Variants in PPARGC1A observed in about 807,000 individuals in gnomAD.
PPARGC1A encodes PPARG coactivator 1 alpha.
PPARGC1A carries 25 observed loss-of-function variants against 88.7 expected under a neutral mutation model. That is an observed-to-expected ratio of 0.28 (90% CI 0.21 to 0.39). The LOEUF (loss-of-function observed/expected upper bound fraction) is 0.39. Ranked by LOEUF, PPARGC1A falls within the 10% of genes least tolerant of loss-of-function variation. The pLI is 1.00. For missense variants in PPARGC1A, 880 were observed against 968.7 expected (o/e 0.91, Z 1.22); for synonymous variants, 363 against 355.6 (o/e 1.02, Z -0.24).
At chr4:24,162,050 T>C in the PPARGC1A span, among the ~76,000 whole-genome samples, 7 of 147,678 alleles carry the variant, frequency 4.7e-5, no homozygotes, top group Non-Finnish European at 8.9e-5. Flanking sequence ...AGGAATGAAA[T>C]AATGGCATTC....
chr4:24,269,579 A>G, the PPARGC1A span, among the ~76,000 whole-genome samples: 1 of 152,194 alleles, frequency 6.6e-6, no homozygotes, highest in Admixed American at 6.5e-5. Context: ...CATTTTACAT[A>G]GACTACGCGA....
At chr4:24,279,477 A>G in the PPARGC1A span, among the ~76,000 whole-genome samples, 1 of 152,228 alleles carries the variant, frequency 6.6e-6, no homozygotes, top group Non-Finnish European at 1.5e-5. Flanking sequence ...GGGGGAGAAG[A>G]AAACAAGATC....
the PPARGC1A span, among the ~76,000 whole-genome samples, chr4:24,277,077 T>C: frequency 6.6e-6 from 1 of 152,092 alleles, no homozygotes; most frequent in African/African-American, 2.4e-5. Context: ...ATGTAGACCT[T>C]AGGGATTTTT....
the PPARGC1A span, among the ~76,000 whole-genome samples, chr4:24,137,513 C>G: frequency 1.3e-5 from 2 of 152,176 alleles, no homozygotes; most frequent in African/African-American, 4.8e-5. Flanking sequence ...CTCCCCAACC[C>G]CATTTTACAG....
chr4:24,175,632 C>A, the PPARGC1A span, among the ~76,000 whole-genome samples: 2 of 148,964 alleles, frequency 1.3e-5, no homozygotes, highest in South Asian at 2.1e-4. Context: ...AGGTGATCTG[C>A]CCGCCTCGGC....
the PPARGC1A span, among the ~76,000 whole-genome samples, chr4:24,455,270 C>T: frequency 6.6e-6 from 1 of 152,058 alleles, no homozygotes; most frequent in African/African-American, 2.4e-5. Context: ...CACTTGAGGC[C>T]AGAAGTTTGA....
chr4:24,417,029 CAAA>C, the PPARGC1A span, among the ~76,000 whole-genome samples: 1 of 123,790 alleles, frequency 8.1e-6, no homozygotes. Context: ...GATTCCATCT[CAAA>C]AAAAAAAAAA....
At chr4:23,874,634 A>G (rs1249712489) in intron 2 of PPARGC1A, among the ~76,000 whole-genome samples, 1 of 151,946 alleles carries the variant, frequency 6.6e-6, no homozygotes, top group African/African-American at 2.4e-5. Flanking sequence ...TTGTAAAATT[A>G]CAGCAAGGAC....
the PPARGC1A span, among the ~76,000 whole-genome samples, chr4:24,255,874 T>G: frequency 6.6e-6 from 1 of 152,198 alleles, no homozygotes; most frequent in Non-Finnish European, 1.5e-5. Context: ...GGGATAATAA[T>G]AGTACCTATC....
chr4:23,844,609 G>C (rs1404233827), intron 2 of PPARGC1A, among the ~76,000 whole-genome samples: 2 of 93,990 alleles, frequency 2.1e-5, no homozygotes, highest in African/African-American at 9.0e-5. Context: ...ATATTATATA[G>C]TAATATATTA....
At chr4:23,876,053 AC>A (rs937223863) in intron 2 of PPARGC1A, 1 of 152,232 alleles carries the variant, frequency 6.6e-6, no homozygotes, top group Non-Finnish European at 1.5e-5. Context: ...GTTCCAAGCT[AC>A]CCATTTTTAT....
the PPARGC1A span, among the ~76,000 whole-genome samples, chr4:24,025,468 G>A: frequency 1.3e-5 from 2 of 151,908 alleles, no homozygotes; most frequent in African/African-American, 4.8e-5. Context: ...TTCTTGAAAG[G>A]GTACTCTCTC....
the PPARGC1A span, among the ~76,000 whole-genome samples, chr4:24,089,454 C>T: frequency 6.6e-6 from 1 of 151,778 alleles, no homozygotes; most frequent in South Asian, 2.1e-4. Context: ...TCAGTGAAAC[C>T]AAATCAGAGA....
At chr4:24,065,525 C>A in the PPARGC1A span, among the ~76,000 whole-genome samples, 1 of 152,116 alleles carries the variant, frequency 6.6e-6, no homozygotes, top group Admixed American at 6.5e-5. Flanking sequence ...AGAATTCATA[C>A]CTTGCTTCTG....
the PPARGC1A span, among the ~76,000 whole-genome samples, chr4:24,183,076 T>C: frequency 1.3e-5 from 2 of 152,062 alleles, no homozygotes. Flanking sequence ...ATACTCCAAG[T>C]AGAAATGATG....
the PPARGC1A span, among the ~76,000 whole-genome samples, chr4:24,017,804 T>C: frequency 2.0e-5 from 3 of 152,172 alleles, no homozygotes; most frequent in African/African-American, 7.2e-5. Flanking sequence ...ACTTAACAAA[T>C]GGCAAAAGTG....
the PPARGC1A span, among the ~76,000 whole-genome samples, chr4:24,094,457 T>C: frequency 4.6e-5 from 7 of 152,236 alleles, no homozygotes; most frequent in Admixed American, 6.5e-5. Flanking sequence ...TTTTCCAGTC[T>C]TGATTTTTCC....
chr4:23,812,072 C>T (rs1050206723), intron 10 of PPARGC1A, among the ~76,000 whole-genome samples: 1 of 151,448 alleles, frequency 6.6e-6, no homozygotes, highest in Admixed American at 6.6e-5. Flanking sequence ...CATGCACCAC[C>T]ACGCCTGGCT....
the PPARGC1A span, among the ~76,000 whole-genome samples, chr4:23,974,669 G>A: frequency 2.0e-5 from 3 of 151,330 alleles, no homozygotes; most frequent in East Asian, 3.9e-4. Flanking sequence ...GTCTTGCTCT[G>A]TCGCCCAGGC....
Sources: allele counts gnomAD v4.1 joint callset (sites outside exome capture counted in the v4.1 genomes callset), GRCh38; gene constraint gnomAD v4.1.1; transcripts MANE v1.5; gene names NCBI Gene and HGNC (gene_info 2026-07-23, HGNC 2026-07-21).